AIG1: variants seen among roughly 807,000 people sequenced by gnomAD.
AIG1 encodes the protein androgen induced 1, also known as androgen-induced gene 1 protein.
Under a neutral mutation model 31.4 loss-of-function variants are expected in AIG1, and 23 were observed. The ratio of observed to expected loss-of-function variants is 0.73; its 90% CI spans 0.53 to 1.04. The LOEUF is 1.04. Among genes scored for constraint, AIG1 ranks in the 50% least tolerant of loss-of-function variants. The probability of loss-of-function intolerance (pLI) is 0.00; values close to 1 mark genes in which losing one functional copy is unlikely to be tolerated. For synonymous variants in AIG1, 100 were observed against 110.5 expected, an observed-to-expected ratio of 0.90 and a Z score of 0.60; for missense variants, 274 against 295.0, an observed-to-expected ratio of 0.93 and a Z score of 0.52.
intron 4 of AIG1, among the ~76,000 whole-genome samples, chr6:143,304,004 C>T (rs1304642806): frequency 6.8e-6 from 1 of 146,370 alleles, no homozygotes; most frequent in Non-Finnish European, 1.5e-5. Context: ...AATGGGAGTT[C>T]ACTCATGATT....
chr6:143,199,397 G>A (rs986727077), intron 3 of AIG1, among the ~76,000 whole-genome samples: 1 of 152,034 alleles, frequency 6.6e-6, no homozygotes, highest in African/African-American at 2.4e-5. Context: ...ATTAAATCGG[G>A]AAAAATGTTA....
chr6:143,070,641 C>G (rs1777157889), intron 1 of AIG1, among the ~76,000 whole-genome samples: 1 of 152,136 alleles, frequency 6.6e-6, no homozygotes, highest in Admixed American at 6.5e-5. Flanking sequence ...CATCACAGGA[C>G]AAGAGAGGCA....
intron 4 of AIG1, among the ~76,000 whole-genome samples, chr6:143,310,191 C>T (rs952074090): frequency 2.0e-5 from 3 of 151,908 alleles, no homozygotes; most frequent in African/African-American, 7.2e-5. Context: ...GCAGACTACA[C>T]ATTCCACTCA....
At chr6:143,217,328 T>C (rs1213928646) in intron 3 of AIG1, among the ~76,000 whole-genome samples, 1 of 152,170 alleles carries the variant, frequency 6.6e-6, no homozygotes, top group Non-Finnish European at 1.5e-5. Flanking sequence ...TGCATAATAT[T>C]CCAAAGAGTA....
At chr6:143,124,769 G>A (rs949812181) in intron 1 of AIG1, among the ~76,000 whole-genome samples, 4 of 152,148 alleles carry the variant, frequency 2.6e-5, no homozygotes, top group Admixed American at 1.3e-4. Flanking sequence ...ACAGGAGTGG[G>A]TGCAAGTGGG....
intron 5 of AIG1, among the ~76,000 whole-genome samples, chr6:143,337,737 C>A (rs547921970): frequency 1.3e-5 from 2 of 152,122 alleles, no homozygotes; most frequent in African/African-American, 2.4e-5. Context: ...CATTTCCCCC[C>A]AGGCCCATCC....
At chr6:143,200,953 T>G (rs767614170) in intron 3 of AIG1, among the ~76,000 whole-genome samples, 60 of 152,166 alleles carry the variant, frequency 3.9e-4, no homozygotes, top group Non-Finnish European at 7.6e-4. Flanking sequence ...CCATAGACAT[T>G]TCCTATGTAA....
chr6:143,309,168 A>G (rs1775060294), intron 4 of AIG1, among the ~76,000 whole-genome samples: 1 of 152,076 alleles, frequency 6.6e-6, no homozygotes, highest in South Asian at 2.1e-4. Flanking sequence ...CCGTCAACCT[A>G]GAATTCTATA....
At chr6:143,063,524 C>A (rs966629188) in intron 1 of AIG1, among the ~76,000 whole-genome samples, 81 of 152,288 alleles carry the variant, frequency 5.3e-4, no homozygotes, top group African/African-American at 1.9e-3. Flanking sequence ...GCTGTTAAAA[C>A]AACCAACCTG....
chr6:143,218,053 C>A, intron 3 of AIG1, among the ~76,000 whole-genome samples: 1 of 152,214 alleles, frequency 6.6e-6, no homozygotes, highest in South Asian at 2.1e-4. Flanking sequence ...TTCTCATTTG[C>A]GTGTTGCTAA....
chr6:143,260,087 G>A (rs890539928), intron 3 of AIG1, among the ~76,000 whole-genome samples: 21 of 144,244 alleles, frequency 1.5e-4, no homozygotes, highest in Admixed American at 3.6e-4. Flanking sequence ...GCAGTGGTGC[G>A]ATCTCGGCTC....
chr6:143,109,138 C>A (rs1781059027), intron 1 of AIG1, among the ~76,000 whole-genome samples: 1 of 151,908 alleles, frequency 6.6e-6, no homozygotes, highest in African/African-American at 2.4e-5. Context: ...AGATTCTTTT[C>A]TTCAGTGTGC....
chr6:143,232,245 C>G (rs567223907), intron 3 of AIG1, among the ~76,000 whole-genome samples: 1 of 152,150 alleles, frequency 6.6e-6, no homozygotes, highest in Non-Finnish European at 1.5e-5. Flanking sequence ...TCTGAATTAG[C>G]AGTGTTTCCT....
chr6:143,124,705 C>T (rs1055925061), intron 1 of AIG1, among the ~76,000 whole-genome samples: 2 of 152,166 alleles, frequency 1.3e-5, no homozygotes, highest in Admixed American at 1.3e-4. Context: ...AGGAAACTTA[C>T]AATCATGGTG....
At chr6:143,199,991 T>C (rs1790564639) in intron 3 of AIG1, among the ~76,000 whole-genome samples, 1 of 151,998 alleles carries the variant, frequency 6.6e-6, no homozygotes, top group South Asian at 2.1e-4. Flanking sequence ...CCAAAGAACA[T>C]GTGATAGTTT....
chr6:143,082,291 T>G (rs979821332), intron 1 of AIG1, among the ~76,000 whole-genome samples: 1 of 152,194 alleles, frequency 6.6e-6, no homozygotes, highest in Non-Finnish European at 1.5e-5. Context: ...TTCGAAGTCC[T>G]TTTTCTACAA....
At chr6:143,248,181 A>G (rs1315756405) in intron 3 of AIG1, among the ~76,000 whole-genome samples, 1 of 152,186 alleles carries the variant, frequency 6.6e-6, no homozygotes, top group East Asian at 1.9e-4. Flanking sequence ...TCTGCAGGGA[A>G]AAAAACAGAA....
intron 3 of AIG1, among the ~76,000 whole-genome samples, chr6:143,243,037 G>T (rs1194436974): frequency 6.6e-6 from 1 of 152,114 alleles, no homozygotes; most frequent in East Asian, 1.9e-4. Context: ...TTCCATCCTA[G>T]ATCTACAAAA....
At chr6:143,242,506 TAAA>T in intron 3 of AIG1, among the ~76,000 whole-genome samples, 1 of 152,234 alleles carries the variant, frequency 6.6e-6, no homozygotes, top group East Asian at 1.9e-4. Flanking sequence ...TACAAAGAGG[TAAA>T]ATCACATGAC....
Sources: gnomAD v4.1 joint callset for allele counts (sites outside exome capture counted in the v4.1 genomes callset) on GRCh38, gnomAD v4.1.1 for gene constraint, MANE v1.5 for transcripts, NCBI Gene and HGNC (gene_info 2026-07-23, HGNC 2026-07-21) for gene names.